The following ATAD5 variants were observed in gnomAD, a reference collection of about 807,000 sequenced individuals.
ATAD5 encodes ATPase family AAA domain containing 5.
Under a neutral mutation model 176.9 loss-of-function variants are expected in ATAD5, and 58 were observed. The ratio of observed to expected loss-of-function variants is 0.33; its 90% CI spans 0.27 to 0.41. The LOEUF (loss-of-function observed/expected upper bound fraction) is 0.41, where lower values mean the gene tolerates loss of function less well. ATAD5 is among the 10% of genes least tolerant of loss of function. ATAD5 has a pLI of 1.00. For missense variants in ATAD5, 1,789 were observed against 2,094.1 expected (o/e 0.85, Z 2.84); for synonymous variants, 640 against 712.6 (o/e 0.90, Z 1.62).
intron 18 of ATAD5, among the ~76,000 whole-genome samples, chr17:30,884,756 T>C (rs1293861688): frequency 4.0e-5 from 6 of 148,472 alleles, no homozygotes; most frequent in Non-Finnish European, 7.5e-5. Flanking sequence ...TTTCTTTTTT[T>C]TTTTTTTTTG....
At position 30,858,304 on chromosome 17, in the gene ATAD5, C is replaced by A; in HGVS notation, c.2937C>A (p.Ser979=). ...KKQIEHQVLS[S]ECHSKQELEA... ...AAATTGAGCACCAAGTACTTTCTTCCGAGTGTCATAGTAAACAAGGTTAGT... is the reference window on the plus strand; with the variant it reads ...AAATTGAGCACCAAGTACTTTCTTCAGAGTGTCATAGTAAACAAGGTTAGT... Residue 979 remains serine, a synonymous_variant, in exon 9 of 23, where the codon TCC becomes TCA. Transcript: ENST00000321990. 2 of 1,548,346 alleles carry A rather than the reference C, an allele frequency of 1.3e-6. No homozygotes were observed. Among genetic ancestry groups the A allele is most frequent in the South Asian group, 1.3e-5 (1 of 78,050 alleles).
chr17:30,879,251 C>A (rs960437986), intron 17 of ATAD5, among the ~76,000 whole-genome samples, 172 bp from the exon 18 acceptor site: 1 of 152,136 alleles, frequency 6.6e-6, no homozygotes, highest in African/African-American at 2.4e-5. Context: ...GGCAGAGGAT[C>A]ACTTGAGCCC....
intron 4 of ATAD5, among the ~76,000 whole-genome samples, chr17:30,843,162 G>C (rs565333601): frequency 1.5e-4 from 23 of 151,850 alleles, no homozygotes; most frequent in African/African-American, 5.1e-4. Flanking sequence ...GACCAGCCTG[G>C]TCAACATAGG....
chr17:30,889,271 C>G (rs976696133), intron 19 of ATAD5, among the ~76,000 whole-genome samples: 5 of 149,918 alleles, frequency 3.3e-5, no homozygotes, highest in African/African-American at 9.8e-5. Context: ...CTCCTGGGCT[C>G]AAGCGATACT....
chr17:30,868,203 T>G lies in ATAD5; in HGVS notation c.3234-130T>G, dbSNP rs566049144. ...ACTAGTAAAAATAACAAGAAAGCCT[T>G]CATCAGTTGAATGGCCAGTGGCAGA... On this transcript the variant is annotated intron_variant, in intron 11 of 22. Coordinates refer to ENST00000321990, the MANE Select transcript of ATAD5 (RefSeq NM_024857.5). The G allele has an allele frequency of 2.6e-5, 16 of 616,372 alleles. No homozygotes were observed. In the South Asian group the frequency reaches 6.2e-4, roughly 24 times the overall value. 38.2% of individuals were successfully genotyped at this position (616,372 alleles called of 1,614,324 possible).
chr17:30,878,436 CTT>C (rs1567696315), intron 17 of ATAD5, among the ~76,000 whole-genome samples: 4 of 152,092 alleles, frequency 2.6e-5, no homozygotes, highest in African/African-American at 9.7e-5. Flanking sequence ...CTTAGCCACT[CTT>C]TTGCCCCTGA....
At chr17:30,886,372 T>TTTTATTTATTTATTTA (rs138195442) in intron 18 of ATAD5, among the ~76,000 whole-genome samples, 1 of 146,500 alleles carries the variant, frequency 6.8e-6, no homozygotes, top group East Asian at 2.0e-4. Context: ...AATTGAATTA[T>TTTTATTTATTTATTTA]TTTATTTATT....
intron 4 of ATAD5, among the ~76,000 whole-genome samples, 154 bp from the exon 5 acceptor site, chr17:30,843,757 TTG>T (rs1227673008): frequency 6.6e-6 from 1 of 152,134 alleles, no homozygotes; most frequent in African/African-American, 2.4e-5. Context: ...TGCTATTCTA[TTG>T]TGTGTTTTCT....
At chr17:30,845,849 A>C (rs1373422740) in intron 6 of ATAD5, among the ~76,000 whole-genome samples, 1 of 152,134 alleles carries the variant, frequency 6.6e-6, no homozygotes, top group East Asian at 1.9e-4. Flanking sequence ...TGAATTAAAA[A>C]TCCCTCGATG....
chr17:30,895,456 G>C lies in ATAD5; in HGVS notation c.*543G>C, dbSNP rs964679605. On this transcript the variant is annotated 3_prime_UTR_variant, in exon 23 of 23. Transcript: ENST00000321990. ...ATCTTGCTCTGTCACCCAGGCTGGA[G>C]TGCAGTGGCCTGGTATCGGCTCAGT... The C allele has an allele frequency of 4.7e-5, 7 of 150,156 alleles. No individual in the cohort carries two copies. The highest frequency in any genetic ancestry group is 1.7e-4 in the African/African-American group (7 of 40,612). 9.3% of individuals were successfully genotyped at this position (150,156 alleles called of 1,614,324 possible).
At chr17:30,853,689 T>C (rs1567685098) in intron 6 of ATAD5, among the ~76,000 whole-genome samples, 1 of 152,164 alleles carries the variant, frequency 6.6e-6, no homozygotes, top group African/African-American at 2.4e-5. Context: ...GAAGGACATA[T>C]AAGCTGTGAC....
chr17:30,835,561 A>G lies in ATAD5; in HGVS notation c.1480A>G (p.Lys494Glu), dbSNP rs1180292287. The G allele has an allele frequency of 6.2e-7, 1 of 1,611,680 alleles. No individual in the cohort carries two copies. Among genetic ancestry groups the G allele is most frequent in the Non-Finnish European group, 8.5e-7 (1 of 1,179,034 alleles). Residue 494 changes from lysine (K) to glutamate (E), a missense_variant, in exon 2 of 23, where the codon AAA (lysine) becomes GAA (glutamate). Around this residue, in one of 6 missense-constraint regions of ATAD5, gnomAD observed 696 missense variants for 712.5 expected, o/e 0.98. Coordinates refer to ENST00000321990, the MANE Select transcript of ATAD5 (RefSeq NM_024857.5). Reference sequence around the variant, plus strand: ...ATTAGATACTGGGGCTATTCCAGGCAAAAACAGAGAGGGAAACACTCAAAA... The same window carrying G: ...ATTAGATACTGGGGCTATTCCAGGCGAAAACAGAGAGGGAAACACTCAAAA... ...KTLDTGAIPG[K>E]NREGNTQKKE...
At chr17:30,860,062 C>A (rs1033587267) in intron 9 of ATAD5, among the ~76,000 whole-genome samples, 1 of 151,822 alleles carries the variant, frequency 6.6e-6, no homozygotes, top group Non-Finnish European at 1.5e-5. Flanking sequence ...CTCACTTTGT[C>A]GCCCAGGCTA....
chr17:30,883,256 C>T (rs148429419), intron 18 of ATAD5, among the ~76,000 whole-genome samples: 1 of 151,808 alleles, frequency 6.6e-6, no homozygotes, highest in African/African-American at 2.4e-5. Context: ...TCCTGAGTAG[C>T]TAGGACCATA....
intron 6 of ATAD5, among the ~76,000 whole-genome samples, chr17:30,846,791 G>A (rs1186722083): frequency 6.7e-6 from 1 of 150,042 alleles, no homozygotes; most frequent in Non-Finnish European, 1.5e-5. Flanking sequence ...TGTGATATCA[G>A]CTCACCGCAA....
At chr17:30,870,888 T>C (rs1172470679) in intron 14 of ATAD5, among the ~76,000 whole-genome samples, 1 of 152,090 alleles carries the variant, frequency 6.6e-6, no homozygotes, top group African/African-American at 2.4e-5. Context: ...CTTCTCTTCA[T>C]GTTTCTTGTG....
intron 14 of ATAD5, among the ~76,000 whole-genome samples, chr17:30,874,565 AG>A (rs1171420350): frequency 6.7e-6 from 1 of 149,140 alleles, no homozygotes; most frequent in Non-Finnish European, 1.5e-5. Context: ...AAAAAAAAAA[AG>A]AGGAAAAAAT....
chr17:30,888,694 GGA>G (rs1491185732), intron 19 of ATAD5, among the ~76,000 whole-genome samples: 1 of 151,956 alleles, frequency 6.6e-6, no homozygotes, highest in Non-Finnish European at 1.5e-5. Flanking sequence ...ACCTAAAAAA[GGA>G]GAGATCTGAA....
intron 17 of ATAD5, among the ~76,000 whole-genome samples, chr17:30,878,684 T>G (rs1908806557): frequency 1.4e-5 from 2 of 147,072 alleles, no homozygotes; most frequent in South Asian, 4.3e-4. Flanking sequence ...CTTAAAATAT[T>G]GAGAAAAATC....
Sources: allele counts gnomAD v4.1 joint callset (sites outside exome capture counted in the v4.1 genomes callset), GRCh38; gene constraint gnomAD v4.1.1; regional missense constraint gnomAD v4.1.1; transcripts MANE v1.5; gene names NCBI Gene and HGNC (gene_info 2026-07-23, HGNC 2026-07-21).